Variants in SPON1 observed in about 807,000 individuals in gnomAD.
The protein encoded by SPON1 is spondin-1.
Under a neutral mutation model 111.7 loss-of-function variants are expected in SPON1, and 52 were observed. The ratio of observed to expected loss-of-function variants is 0.47; its 90% CI spans 0.37 to 0.59. SPON1 has a LOEUF of 0.59. Among genes scored for constraint, SPON1 ranks in the 20% least tolerant of loss-of-function variants. The pLI is 0.00. For missense variants in SPON1, 957 were observed against 1,068.5 expected (o/e 0.90, Z 1.46); for synonymous variants, 410 against 395.8 (o/e 1.04, Z -0.43).
chr11:14,113,804 C>G (rs1193487988), intron 5 of SPON1, among the ~76,000 whole-genome samples: 6 of 151,618 alleles, frequency 4.0e-5, no homozygotes, highest in African/African-American at 1.5e-4. Context: ...CGGGGTTTCA[C>G]TGTGTTAGCC....
chr11:14,106,467 G>A (rs1473276043), intron 5 of SPON1, among the ~76,000 whole-genome samples: 1 of 152,132 alleles, frequency 6.6e-6, no homozygotes, highest in African/African-American at 2.4e-5. Flanking sequence ...CTCAAGAATT[G>A]TTTATGCCAA....
intron 5 of SPON1, among the ~76,000 whole-genome samples, chr11:14,091,712 T>A (rs1420079974): frequency 6.6e-6 from 1 of 151,826 alleles, no homozygotes; most frequent in East Asian, 1.9e-4. Flanking sequence ...CACCTTTCCC[T>A]CCACACCTCC....
At chr11:14,190,997 ATCCCATCACTTGGT>A (rs1564927662) in intron 6 of SPON1, among the ~76,000 whole-genome samples, 63 of 152,162 alleles carry the variant, frequency 4.1e-4, no homozygotes, top group African/African-American at 1.4e-3. Flanking sequence ...AGCACTTACA[ATCCCATCACTTGGT>A]ATATAAAGAA....
At chr11:14,104,554 T>C (rs1488839246) in intron 5 of SPON1, among the ~76,000 whole-genome samples, 2 of 152,118 alleles carry the variant, frequency 1.3e-5, no homozygotes, top group Non-Finnish European at 2.9e-5. Flanking sequence ...ACTCTGTTAC[T>C]GCTTCCATTT....
At chr11:14,124,851 G>T (rs1847436566) in intron 5 of SPON1, among the ~76,000 whole-genome samples, 1 of 152,186 alleles carries the variant, frequency 6.6e-6, no homozygotes, top group African/African-American at 2.4e-5. Flanking sequence ...GGCCTCAGAA[G>T]AAATAGAAAA....
intron 6 of SPON1, among the ~76,000 whole-genome samples, chr11:14,182,135 G>A (rs782577798): frequency 1.3e-5 from 2 of 152,098 alleles, no homozygotes; most frequent in Non-Finnish European, 2.9e-5. Context: ...AAATGGAGAG[G>A]GGTCTCTAAC....
At chr11:13,989,121 T>C (rs1431427369) in intron 2 of SPON1, among the ~76,000 whole-genome samples, 1 of 152,240 alleles carries the variant, frequency 6.6e-6, no homozygotes, top group African/African-American at 2.4e-5. Flanking sequence ...TCAGAAGGAA[T>C]GGTACCAGCT....
At chr11:14,042,110 G>T (rs1470255750) in intron 3 of SPON1, among the ~76,000 whole-genome samples, 1 of 151,806 alleles carries the variant, frequency 6.6e-6, no homozygotes, top group African/African-American at 2.4e-5. Context: ...CCATCAAAAT[G>T]GCCCTCTGGT....
chr11:14,254,791 G>A, intron 8 of SPON1, 62 bp downstream of exon 8: 3 of 1,515,026 alleles, frequency 2.0e-6, no homozygotes, highest in Middle Eastern at 2.3e-4. Flanking sequence ...GAGTGTCCTG[G>A]ACACAGAGGG....
chr11:13,996,724 T>TATATATATATATAC (rs569794197), intron 2 of SPON1, among the ~76,000 whole-genome samples: 18 of 151,924 alleles, frequency 1.2e-4, no homozygotes, highest in African/African-American at 4.4e-4. Context: ...TATATATATA[T>TATATATATATATAC]ACACACACAC....
At chr11:14,034,720 C>CAGACAGATCA (rs1848581770) in intron 2 of SPON1, among the ~76,000 whole-genome samples, 1 of 152,102 alleles carries the variant, frequency 6.6e-6, no homozygotes. Flanking sequence ...TTCAGACAAC[C>CAGACAGATCA]CTGGGTCTGA....
chr11:14,162,667 C>T (rs1206010135), intron 6 of SPON1, among the ~76,000 whole-genome samples: 1 of 152,132 alleles, frequency 6.6e-6, no homozygotes, highest in Non-Finnish European at 1.5e-5. Context: ...ATAAAAAATG[C>T]CTTCCTTTTC....
chr11:14,081,885 C>T (rs1477282428), intron 5 of SPON1, among the ~76,000 whole-genome samples: 1 of 152,064 alleles, frequency 6.6e-6, no homozygotes, highest in African/African-American at 2.4e-5. Flanking sequence ...TAATGTTACC[C>T]ACATGCAATC....
intron 6 of SPON1, among the ~76,000 whole-genome samples, chr11:14,153,190 T>C (rs1847807060): frequency 6.6e-6 from 1 of 152,234 alleles, no homozygotes; most frequent in South Asian, 2.1e-4. Context: ...GCATTTAACA[T>C]ACTTTTACTA....
intron 15 of SPON1, among the ~76,000 whole-genome samples, chr11:14,264,234 A>C (rs1001181691): frequency 6.6e-6 from 1 of 152,086 alleles, no homozygotes; most frequent in Non-Finnish European, 1.5e-5. Flanking sequence ...TGGCCCACCA[A>C]GGATTTTGGG....
Position 14,135,169 on chromosome 11 carries a change from G to T in SPON1, c.677-251G>T. On this transcript the variant is annotated intron_variant, in intron 5 of 15. Coordinates refer to ENST00000576479, the MANE Select transcript of SPON1 (RefSeq NM_006108.4). The surrounding 1 kb of genome is among the most constrained non-coding windows in gnomAD (Gnocchi z 4.4). Reference sequence around the variant, plus strand: ...TATCCCCTTCTCTGAGACCTTCCTAGACAGAACGCATCTCTGGGCTGCCTC... The same window carrying T: ...TATCCCCTTCTCTGAGACCTTCCTATACAGAACGCATCTCTGGGCTGCCTC... 2.6e-6 allele frequency: 1 copy of T among 387,736 alleles called. No homozygotes were observed. Among genetic ancestry groups the T allele is most frequent in the Non-Finnish European group, 4.7e-6 (1 of 212,740 alleles). 24.0% of individuals were successfully genotyped at this position (387,736 alleles called of 1,614,324 possible).
intron 2 of SPON1, among the ~76,000 whole-genome samples, chr11:14,024,456 G>C (rs1200664531): frequency 1.3e-5 from 2 of 152,160 alleles, no homozygotes; most frequent in Non-Finnish European, 2.9e-5. Flanking sequence ...GGAGTGGGAA[G>C]GTGGTCTTCC....
chr11:14,053,862 A>G (rs1848725540), intron 3 of SPON1, among the ~76,000 whole-genome samples: 1 of 152,216 alleles, frequency 6.6e-6, no homozygotes. Context: ...AGTGCAACAA[A>G]GTCATATACT....
chr11:14,145,873 T>G (rs538168258), intron 6 of SPON1, among the ~76,000 whole-genome samples: 1 of 152,292 alleles, frequency 6.6e-6, no homozygotes, highest in Admixed American at 6.5e-5. Flanking sequence ...TTGTGTGTAC[T>G]GATACAGAAT....
Sources: allele counts gnomAD v4.1 joint callset (sites outside exome capture counted in the v4.1 genomes callset), GRCh38; gene constraint gnomAD v4.1.1; non-coding constraint Gnocchi (gnomAD v3.1); transcripts MANE v1.5; gene names NCBI Gene and HGNC (gene_info 2026-07-23, HGNC 2026-07-21).